The following KLK10 variants were observed in gnomAD, a reference collection of about 807,000 sequenced individuals.
The protein encoded by KLK10 is kallikrein-10.
In KLK10, 27 loss-of-function variants were observed where a neutral mutation model predicts 25.7. That is an observed-to-expected ratio of 1.05 (90% CI 0.77 to 1.45). KLK10 has a LOEUF of 1.45. KLK10 is among the 40% of genes most tolerant of loss of function. The probability of loss-of-function intolerance (pLI) is 0.00; values close to 1 mark genes in which losing one functional copy is unlikely to be tolerated. For synonymous variants in KLK10, 173 were observed against 160.1 expected (o/e 1.08, Z -0.61); for missense variants, 386 against 370.0 (o/e 1.04, Z -0.35).
chr19:51,019,156 AG>A lies in KLK10; in HGVS notation c.-9-18del, dbSNP rs2091376652. On this transcript the variant is annotated intron_variant, in intron 1 of 5. Coordinates refer to ENST00000358789, the MANE Select transcript of KLK10 (RefSeq NM_145888.3). This position sits in a 1 kb window ranked among gnomAD's most constrained non-coding sequence, Gnocchi z 4.2. ...GGCCAGGATCTGCTGGGGTGTGTGC[AG>A]GGGCGGGTTAAAACAGATGCTCCGT... 6.3e-7 allele frequency: 1 copy of A among 1,577,414 alleles called. No homozygotes were observed. The highest frequency in any genetic ancestry group is 1.7e-4 in the Middle Eastern group (1 of 5,764).
In KLK10 at chr19:51,014,839, T is replaced by C; in HGVS notation, c.792A>G (p.Lys264=). 6.2e-7 allele frequency: 1 copy of C among 1,614,048 alleles called. No homozygotes were observed. The highest frequency in any genetic ancestry group is 2.2e-5 in the East Asian group (1 of 44,882). The change falls in exon 6 of 6, where the codon AAA becomes AAG. Residue 264 remains lysine, a synonymous_variant. Coordinates refer to ENST00000358789, the MANE Select transcript of KLK10 (RefSeq NM_145888.3). ...TGACTTTATTGATCCAGGACATGTATTTGCAGATCTGGGTGTAGACAGCTG... is the reference window on the plus strand; with the variant it reads ...TGACTTTATTGATCCAGGACATGTACTTGCAGATCTGGGTGTAGACAGCTG... ...QHPAVYTQIC[K]YMSWINKVIR...
chr19:51,019,138 A>T lies in KLK10; in HGVS notation c.-8T>A, dbSNP rs995446663. The stretch of plus-strand genomic sequence containing the variant: ...GAGGTGCGGAGCTCTCATGGCCAGG[A>T]TCTGCTGGGGTGTGTGCAGGGGCGG... On this transcript the variant is annotated splice_region_variant and 5_prime_UTR_variant, in exon 2 of 6. Transcript: ENST00000358789. The surrounding 1 kb of genome is among the most constrained non-coding windows in gnomAD (Gnocchi z 4.2). The T allele has an allele frequency of 2.5e-6, 4 of 1,605,958 alleles. No individual in the cohort carries two copies. The highest frequency in any genetic ancestry group is 3.4e-5 in the Admixed American group (2 of 59,694).
rs149739565 is a variant in KLK10 at position 51,015,987 on chromosome 19, C to T, written c.439G>A (p.Val147Ile). 3.3e-5 allele frequency: 52 copies of T among 1,571,964 alleles called. No homozygotes were observed. Among genetic ancestry groups the T allele is most frequent in the South Asian group, 2.7e-4 (23 of 85,720 alleles). Residue 147 changes from valine (V) to isoleucine (I), a missense_variant, in exon 4 of 6, where the codon GTA (valine) becomes ATA (isoleucine). By Grantham distance (29) the Val-to-Ile change is conservative. Transcript: ENST00000358789. ...DLMLLKLARP[V>I]VLGPRVRALQ... ...GCCCGGACGCGGGGCCCCAGCACTA[C>T]GGGCCTGGCCAGCTTCAGCAACATG... is the stretch of plus-strand genomic sequence containing the variant.
rs11275641 is a variant in KLK10, at chr19:51,014,062, C to CGTGCCAAGGCA, written c.*737_*738insTGCCTTGGCAC. 99,044 of 151,888 alleles carry CGTGCCAAGGCA rather than the reference C, an allele frequency of 0.65. 33,867 individuals are homozygous for CGTGCCAAGGCA. Among genetic ancestry groups the CGTGCCAAGGCA allele is most frequent in the African/African-American group, 0.87 (36,133 of 41,392 alleles). The allele number at this position is 151,888 out of a possible 1,614,324, so 9.4% of individuals were successfully genotyped here. A position where few individuals can be genotyped will look rare whatever the true frequency, so the allele number is the denominator to read the frequency against. Reference sequence around the variant, plus strand: ...CTAATGACTCAGGGCCAGCCTAGCTCGGAGGAACTGGTGTTGGGTGGAACC... The same window carrying CGTGCCAAGGCA: ...CTAATGACTCAGGGCCAGCCTAGCTCGTGCCAAGGCAGGAGGAACTGGTGTTGGGTGGAACC... On this transcript the variant is annotated 3_prime_UTR_variant, in exon 6 of 6. Coordinates refer to ENST00000358789, the MANE Select transcript of KLK10 (RefSeq NM_145888.3).
At chr19:51,018,266 A>G (rs1467958345) in intron 2 of KLK10, among the ~76,000 whole-genome samples, 5 of 151,006 alleles carry the variant, frequency 3.3e-5, no homozygotes, top group African/African-American at 9.7e-5. Flanking sequence ...ACAAGAAAGA[A>G]GAAACAAACG....
At chr19:51,015,684 C>T in intron 4 of KLK10, 134 bp from the exon 5 acceptor site, 3 of 1,196,156 alleles carry the variant, frequency 2.5e-6, no homozygotes, top group Non-Finnish European at 1.2e-6. Context: ...TGGCCCCAGC[C>T]CCTCCCCACT....
At chr19:51,015,762 C>G in intron 4 of KLK10, 120 bp downstream of exon 4, 1 of 1,195,420 alleles carries the variant, frequency 8.4e-7, no homozygotes, top group Non-Finnish European at 1.1e-6. Context: ...ATCTAGGACC[C>G]CAGCCCGTCC....
chr19:51,016,212 G>A (rs2091327113), intron 3 of KLK10, 56 bp from the exon 4 acceptor site: 15 of 1,483,086 alleles, frequency 1.0e-5, no homozygotes, highest in African/African-American at 5.6e-5. Flanking sequence ...TGGGAAAGCA[G>A]GTGGGCAGTG....
rs1436496209 is a variant in KLK10, at chr19:51,016,072, A to G, written c.354T>C (p.His118=). 3 of 1,572,898 alleles carry G rather than the reference A, an allele frequency of 1.9e-6. No individual in the cohort carries two copies. Among genetic ancestry groups the G allele is most frequent in the Non-Finnish European group, 2.6e-6 (3 of 1,159,106 alleles). The part of the protein sequence containing the change: ...QLRRTTRSVV[H]PKYHQGSGPI... ...GGCCTGAGCCCTGGTGGTACTTGGGATGGACAACAGAGCGAGTGGTCCGGC... is the reference window on the plus strand; with the variant it reads ...GGCCTGAGCCCTGGTGGTACTTGGGGTGGACAACAGAGCGAGTGGTCCGGC... The change falls in exon 4 of 6, where the codon CAT becomes CAC. Residue 118 remains histidine, a synonymous_variant. Coordinates refer to ENST00000358789, the MANE Select transcript of KLK10 (RefSeq NM_145888.3).
Position 51,015,456 on chromosome 19 carries a change from C to A in KLK10, c.639G>T (p.Met213Ile), listed in dbSNP as rs754487710. 6.2e-7 allele frequency: 1 copy of A among 1,613,914 alleles called. No homozygotes were observed. Among genetic ancestry groups the A allele is most frequent in the Non-Finnish European group, 8.5e-7 (1 of 1,179,904 alleles). Residue 213 changes from methionine to isoleucine, a missense_variant, in exon 5 of 6, where the codon ATG (methionine) becomes ATT (isoleucine). By Grantham distance (10) the Met-to-Ile change is conservative. Coordinates refer to ENST00000358789, the MANE Select transcript of KLK10 (RefSeq NM_145888.3). ...GGCCCCGGTCCAGTCCAGCACATAT[C>A]ATGTTGTTGGTGACCACGCCAGGGT... ...VFYPGVVTNNMICAGLDRGQD... is the reference protein window; with the variant it reads ...VFYPGVVTNNIICAGLDRGQD...
chr19:51,014,454 G>T lies in KLK10; in HGVS notation c.*346C>A. The T allele has an allele frequency of 4.6e-6, 1 of 218,256 alleles. No individual in the cohort carries two copies. Among genetic ancestry groups the T allele is most frequent in the Middle Eastern group, 1.7e-3 (1 of 596 alleles). The allele number at this position is 218,256 out of a possible 1,614,324, so 13.5% of individuals were successfully genotyped here. On this transcript the variant is annotated 3_prime_UTR_variant, in exon 6 of 6. Transcript: ENST00000358789. ...AACTGAGGTTCAGAGAGGGCACTTGGCTTGCCCAAAGTCACACAGCAGGGA... is the reference window on the plus strand; with the variant it reads ...AACTGAGGTTCAGAGAGGGCACTTGTCTTGCCCAAAGTCACACAGCAGGGA...
chr19:51,012,996 C>T lies in KLK10; in HGVS notation c.*1804G>A, dbSNP rs532831483. 6.6e-6 allele frequency: 1 copy of T among 152,068 alleles called. No homozygotes were observed. The highest frequency in any genetic ancestry group is 6.6e-5 in the Admixed American group (1 of 15,262). 9.4% of individuals were successfully genotyped at this position (152,068 alleles called of 1,614,324 possible). A position where few individuals can be genotyped will look rare whatever the true frequency, so the allele number is the denominator to read the frequency against. ...TTGAGGCCTGGCATAAGACGTGGCTCGATAAACATTGTGGAGTGACTAAAG... is the reference window on the plus strand; with the variant it reads ...TTGAGGCCTGGCATAAGACGTGGCTTGATAAACATTGTGGAGTGACTAAAG... On this transcript the variant is annotated 3_prime_UTR_variant, in exon 6 of 6. Coordinates refer to ENST00000358789, the MANE Select transcript of KLK10 (RefSeq NM_145888.3).
Position 51,016,121 on chromosome 19 carries a change from A to G in KLK10, c.305T>C (p.Leu102Pro). 1 of 1,587,950 alleles carries G rather than the reference A, an allele frequency of 6.3e-7. No individual in the cohort carries two copies. The highest frequency in any genetic ancestry group is 8.6e-7 in the Non-Finnish European group (1 of 1,167,172). ...GCGGAGCTGCTCTCCCTGAAGAAGC[A>G]GCAGGTGGTCATCCCCTACTCGAGC... The part of the protein sequence containing the change: ...LWARVGDDHL[L>P]LLQGEQLRRT... The change falls in exon 4 of 6, where the codon CTG (leucine) becomes CCG (proline). Residue 102 changes from leucine to proline, a missense_variant. By Grantham distance (98) the Leu-to-Pro change is moderately conservative. Transcript: ENST00000358789.
At position 51,015,529 on chromosome 19, in the gene KLK10, G is replaced by T. The variant is rs916450411; in HGVS notation, c.566C>A (p.Thr189Asn). 1.2e-6 allele frequency: 2 copies of T among 1,613,814 alleles called. No individual in the cohort carries two copies. Among genetic ancestry groups the T allele is most frequent in the Non-Finnish European group, 8.5e-7 (1 of 1,179,882 alleles). ...ARRVKYNKGL[T>N]CSSITILSPK... ...GCTCAGGATAGTGATGCTGGAGCAGGTCAGGCCCTTGTTGTACTTCACTGA... is the reference window on the plus strand; with the variant it reads ...GCTCAGGATAGTGATGCTGGAGCAGTTCAGGCCCTTGTTGTACTTCACTGA... The change falls in exon 5 of 6, where the codon ACC (threonine) becomes AAC (asparagine). Residue 189 changes from threonine to asparagine, a missense_variant. By Grantham distance (65) the Thr-to-Asn change is moderately conservative. Transcript: ENST00000358789.
intron 3 of KLK10, among the ~76,000 whole-genome samples, chr19:51,016,590 T>C (rs1279441959): frequency 6.6e-6 from 1 of 150,674 alleles, no homozygotes; most frequent in Admixed American, 6.6e-5. Flanking sequence ...TTTTTAAAAT[T>C]TTTTATTTTT....
In KLK10 at chr19:51,014,923, G is replaced by T; in HGVS notation, c.708C>A (p.Asp236Glu). ...ACGAGAGGATGCCTTGGAGGGTCTCGTCACAGACCAGGGGGCCTCCAGAGT... is the reference window on the plus strand; with the variant it reads ...ACGAGAGGATGCCTTGGAGGGTCTCTTCACAGACCAGGGGGCCTCCAGAGT... ...QSDSGGPLVCDETLQGILSWG... is the reference protein window; with the variant it reads ...QSDSGGPLVCEETLQGILSWG... The change falls in exon 6 of 6, where the codon GAC (aspartate) becomes GAA (glutamate). Residue 236 changes from aspartate to glutamate, a missense_variant. Transcript: ENST00000358789. 1.2e-6 allele frequency: 2 copies of T among 1,613,910 alleles called. No individual in the cohort carries two copies. Among genetic ancestry groups the T allele is most frequent in the Non-Finnish European group, 1.7e-6 (2 of 1,179,944 alleles).
At chr19:51,016,233 T>C in intron 3 of KLK10, 77 bp from the exon 4 acceptor site, 1 of 1,437,392 alleles carries the variant, frequency 7.0e-7, no homozygotes, top group South Asian at 1.4e-5. Flanking sequence ...ACGCAGGGCC[T>C]GGAGATAGGA....
rs2091304155 is a variant in KLK10 at position 51,014,964 on chromosome 19, A to G, written c.679-12T>C. On this transcript the variant is annotated splice_polypyrimidine_tract_variant and intron_variant, in intron 5 of 5. Transcript: ENST00000358789. ...CCTCCAGAGTCACTCTGGGGGTGGC[A>G]GGAAGGAGAGATCAAATAAATGTGC... 6.2e-7 allele frequency: 1 copy of G among 1,610,682 alleles called. No individual in the cohort carries two copies. The highest frequency in any genetic ancestry group is 8.5e-7 in the Non-Finnish European group (1 of 1,178,742).
Position 51,019,084 on chromosome 19 carries a change from G to T in KLK10, c.47C>A (p.Ala16Asp), listed in dbSNP as rs372382475. The T allele has an allele frequency of 2.7e-4, 428 of 1,608,526 alleles. No homozygotes were observed. Among genetic ancestry groups the T allele is most frequent in the Admixed American group, 9.7e-4 (58 of 59,978 alleles). Residue 16 changes from alanine (A) to aspartate (D), a missense_variant, in exon 2 of 6, where the codon GCT becomes GAT. Coordinates refer to ENST00000358789, the MANE Select transcript of KLK10 (RefSeq NM_145888.3). The surrounding 1 kb of genome is among the most constrained non-coding windows in gnomAD (Gnocchi z 4.2). ...CAGCAGCGGCAGCAGCTTCGCCAGA[G>T]CCCGGGCGCCAGAGGCGGCGGAGAG... ...LHLSAASGAR[A>D]LAKLLPLLMA...
Sources: allele counts gnomAD v4.1 joint callset (sites outside exome capture counted in the v4.1 genomes callset), GRCh38; gene constraint gnomAD v4.1.1; non-coding constraint Gnocchi (gnomAD v3.1); transcripts MANE v1.5; gene names NCBI Gene and HGNC (gene_info 2026-07-23, HGNC 2026-07-21).